The following BEND7 variants were observed in gnomAD, a reference collection of about 807,000 sequenced individuals.
The protein encoded by BEND7 is BEN domain-containing protein 7.
In BEND7, 28 loss-of-function variants were observed where a neutral mutation model predicts 50.9. That is an observed-to-expected ratio of 0.55 (90% CI 0.41 to 0.75). The LOEUF (loss-of-function observed/expected upper bound fraction) is 0.75. Ranked by LOEUF, BEND7 falls within the 30% of genes least tolerant of loss-of-function variation. BEND7 has a pLI of 0.00. For synonymous variants in BEND7, 170 were observed against 183.9 expected (o/e 0.92, Z 0.61); for missense variants, 477 against 491.3 (o/e 0.97, Z 0.28).
intron 6 of BEND7, among the ~76,000 whole-genome samples, chr10:13,479,064 T>C (rs898737320): frequency 2.6e-5 from 4 of 151,022 alleles, no homozygotes; most frequent in Non-Finnish European, 5.9e-5. Flanking sequence ...TGGAGTACAA[T>C]GGTGCGATCT....
intron 6 of BEND7, among the ~76,000 whole-genome samples, chr10:13,476,220 G>A (rs2075421956): frequency 6.6e-6 from 1 of 152,182 alleles, no homozygotes; most frequent in Non-Finnish European, 1.5e-5. Flanking sequence ...TGCAGAGCCT[G>A]TGAAAGTGTG....
At position 13,447,278 on chromosome 10, in the gene BEND7, G is replaced by A; in HGVS notation, c.1222C>T (p.Leu408=). 2 of 1,614,154 alleles carry A rather than the reference G, an allele frequency of 1.2e-6. No homozygotes were observed. The highest frequency in any genetic ancestry group is 1.7e-6 in the Non-Finnish European group (2 of 1,180,020). The change falls in exon 8 of 9, where the codon CTA becomes TTA. Residue 408 remains leucine, a synonymous_variant. Transcript: ENST00000466271. ...GCGTTTTATTTACCTGTTGGTGGTA[G>A]AGCAATGCCGTCCAGTCTTTCATCA... The part of the protein sequence containing the change: ...DSDERLDGIA[L]PPTVV
At chr10:13,490,856 T>G (rs936547435) in intron 5 of BEND7, among the ~76,000 whole-genome samples, 1 of 152,090 alleles carries the variant, frequency 6.6e-6, no homozygotes, top group Non-Finnish European at 1.5e-5. Flanking sequence ...CAGGTTGGAG[T>G]GCAGTGGTGT....
At chr10:13,468,256 G>C (rs1294890462) in intron 6 of BEND7, among the ~76,000 whole-genome samples, 1 of 152,158 alleles carries the variant, frequency 6.6e-6, no homozygotes, top group Non-Finnish European at 1.5e-5. Context: ...ACAGGTTAGG[G>C]CATCTGAAAA....
At chr10:13,467,881 A>G (rs1222049299) in intron 6 of BEND7, among the ~76,000 whole-genome samples, 2 of 152,132 alleles carry the variant, frequency 1.3e-5, no homozygotes, top group Non-Finnish European at 1.5e-5. Context: ...TCCTTCCTGT[A>G]TTTATGGATC....
At chr10:13,474,524 G>A (rs11814695) in intron 6 of BEND7, among the ~76,000 whole-genome samples, 2,937 of 137,418 alleles carry the variant, frequency 0.021, 177 homozygotes, top group African/African-American at 0.076. Context: ...GACTCGGGTC[G>A]ATACCCGTCA....
chr10:13,439,562 C>T, downstream of BEND7: 1 of 1,468,764 alleles, frequency 6.8e-7, no homozygotes, highest in Non-Finnish European at 9.1e-7. Flanking sequence ...TCCTCCAAAT[C>T]GTCACACCCT....
intron 5 of BEND7, among the ~76,000 whole-genome samples, chr10:13,486,998 C>T (rs1365937110): frequency 2.0e-5 from 3 of 152,198 alleles, no homozygotes; most frequent in African/African-American, 7.2e-5. Flanking sequence ...GACCTGACTG[C>T]CTGCGCCACA....
intron 7 of BEND7, among the ~76,000 whole-genome samples, chr10:13,450,504 C>G (rs961497400): frequency 3.3e-5 from 5 of 152,272 alleles, no homozygotes; most frequent in Admixed American, 1.3e-4. Context: ...CAGGATTTGA[C>G]AAAATGGGGA....
intron 4 of BEND7, among the ~76,000 whole-genome samples, chr10:13,495,610 C>T (rs544253295): frequency 2.3e-4 from 35 of 152,236 alleles, no homozygotes; most frequent in East Asian, 1.3e-3. Context: ...TTCGGTGAGC[C>T]GAGATCATGC....
intron 2 of BEND7, among the ~76,000 whole-genome samples, chr10:13,515,711 T>C (rs894445664): frequency 1.6e-4 from 24 of 152,226 alleles, no homozygotes; most frequent in African/African-American, 5.5e-4. Context: ...TCTCATCCGC[T>C]CCCCCTTCAT....
At chr10:13,439,573 G>A (rs1017035404), downstream of BEND7, 33 of 1,422,712 alleles carry the variant, frequency 2.3e-5, no homozygotes, top group Non-Finnish European at 2.9e-5. Context: ...GTCACACCCT[G>A]TGTCCTTATC....
intron 3 of BEND7, among the ~76,000 whole-genome samples, chr10:13,498,653 T>G (rs922749273): frequency 1.3e-5 from 2 of 152,244 alleles, no homozygotes; most frequent in African/African-American, 4.8e-5. Context: ...TACCATCTTT[T>G]ATCATTTTTA....
chr10:13,526,086 T>C (rs1292025378), intron 2 of BEND7, 52 bp downstream of exon 2: 17 of 998,900 alleles, frequency 1.7e-5, no homozygotes, highest in Non-Finnish European at 2.0e-5. Context: ...TTCCCCCTAA[T>C]TGCAAATGGT....
intron 6 of BEND7, among the ~76,000 whole-genome samples, chr10:13,467,441 T>A (rs994459781): frequency 6.6e-6 from 1 of 152,256 alleles, no homozygotes; most frequent in African/African-American, 2.4e-5. Flanking sequence ...CTCTCTAGTA[T>A]GAAAGAAAGC....
At chr10:13,497,586 C>T (rs1030827978) in intron 3 of BEND7, among the ~76,000 whole-genome samples, 2 of 152,184 alleles carry the variant, frequency 1.3e-5, no homozygotes, top group African/African-American at 4.8e-5. Context: ...CTTGCCACAG[C>T]CTCTTTTGCA....
At chr10:13,528,178 G>A (rs1007125454) in intron 1 of BEND7, among the ~76,000 whole-genome samples, 1 of 152,112 alleles carries the variant, frequency 6.6e-6, no homozygotes, top group Non-Finnish European at 1.5e-5. Flanking sequence ...GGCCGCCCCA[G>A]CCCTGCCCCG....
At chr10:13,464,556 T>C (rs551897517) in intron 6 of BEND7, among the ~76,000 whole-genome samples, 4 of 151,992 alleles carry the variant, frequency 2.6e-5, no homozygotes, top group South Asian at 4.2e-4. Flanking sequence ...AGAGAGAGAA[T>C]GGAAGGGAGA....
chr10:13,487,383 C>CT (rs1282658878), intron 5 of BEND7, among the ~76,000 whole-genome samples: 12 of 26,534 alleles, frequency 4.5e-4, no homozygotes, highest in African/African-American at 9.5e-4. Context: ...CTTTTCTTTT[C>CT]TTTTCTTTTT....
Sources: allele counts gnomAD v4.1 joint callset (sites outside exome capture counted in the v4.1 genomes callset), GRCh38; gene constraint gnomAD v4.1.1; transcripts MANE v1.5; gene names NCBI Gene and HGNC (gene_info 2026-07-23, HGNC 2026-07-21).